Variants in ZNF607 observed in about 807,000 individuals in gnomAD.
ZNF607 encodes zinc finger protein 607.
ZNF607 carries 5 observed loss-of-function variants against 12.8 expected under a neutral mutation model. That is an observed-to-expected ratio of 0.39 (90% CI 0.20 to 0.82). The LOEUF (loss-of-function observed/expected upper bound fraction) is 0.82. Among genes scored for constraint, ZNF607 ranks in the 40% least tolerant of loss-of-function variants. The pLI is 0.39. For missense variants in ZNF607, 851 were observed against 859.2 expected, an observed-to-expected ratio of 0.99 and a Z score of 0.12; for synonymous variants, 287 against 276.2, an observed-to-expected ratio of 1.04 and a Z score of -0.39.
At position 37,697,689 on chromosome 19, in the gene ZNF607, G is replaced by A. The variant is rs2044988437; in HGVS notation, c.*351C>T. ...GGTTTAACAATAAATGATTGTTGCT[G>A]GAAGATGTTTACATGCAAGTATAAA... On this transcript the variant is annotated 3_prime_UTR_variant, in exon 5 of 5. Coordinates refer to ENST00000355202, the MANE Select transcript of ZNF607 (RefSeq NM_032689.5). 3.3e-6 allele frequency: 1 copy of A among 304,012 alleles called. No individual in the cohort carries two copies. The highest frequency in any genetic ancestry group is 6.1e-6 in the Non-Finnish European group (1 of 164,652). The allele number at this position is 304,012 out of a possible 1,614,324, so 18.8% of individuals were successfully genotyped here. A position where few individuals can be genotyped will look rare whatever the true frequency, so the allele number is the denominator to read the frequency against.
chr19:37,711,839 C>G (rs1445641549), intron 1 of ZNF607, 147 bp from the exon 2 acceptor site: 6 of 535,704 alleles, frequency 1.1e-5, no homozygotes, highest in Non-Finnish European at 2.0e-5. Flanking sequence ...CTGGATAAAC[C>G]CATTTCCTCC....
rs758896182 is a variant in ZNF607 at position 37,699,675 on chromosome 19, G to A, written c.456C>T (p.Ser152=). 5 of 1,613,914 alleles carry A rather than the reference G, an allele frequency of 3.1e-6. No individual in the cohort carries two copies. In the East Asian group the frequency reaches 8.9e-5, roughly 29 times the overall value. The change falls in exon 5 of 5, where the codon AGC becomes AGT. Residue 152 remains serine, a synonymous_variant. Transcript: ENST00000355202. Reference sequence around the variant, plus strand: ...GATGCTTTCTAAGGTCTGTAAGATGGCTAAATGCCTTCCTAAACTTTTCAC... The same window carrying A: ...GATGCTTTCTAAGGTCTGTAAGATGACTAAATGCCTTCCTAAACTTTTCAC... ...DQCEKFRKAF[S]HLTDLRKHQK...
chr19:37,709,590 T>C (rs1568406478), intron 3 of ZNF607, 106 bp downstream of exon 3: 1 of 1,295,844 alleles, frequency 7.7e-7, no homozygotes, highest in East Asian at 2.5e-5. Context: ...GAAAATAAAT[T>C]TAGTTTCTTA....
chr19:37,702,903 A>G (rs905221527), intron 4 of ZNF607, among the ~76,000 whole-genome samples: 16 of 152,118 alleles, frequency 1.1e-4, no homozygotes, highest in Non-Finnish European at 2.9e-5. Context: ...AAATTACTCA[A>G]GGAGATACAA....
At position 37,696,803 on chromosome 19, in the gene ZNF607, T is replaced by A; in HGVS notation, c.*1237A>T. On this transcript the variant is annotated 3_prime_UTR_variant, in exon 5 of 5. Transcript: ENST00000355202. ...GCCTTGGAGTCACCCTCAGCAGAGA[T>A]GATGGCCGCCTTTTCCACCACAAAT... 7.6e-7 allele frequency: 1 copy of A among 1,321,502 alleles called. No homozygotes were observed. Among genetic ancestry groups the A allele is most frequent in the South Asian group, 1.2e-5 (1 of 82,320 alleles). The allele number at this position is 1,321,502 out of a possible 1,614,324, so 81.9% of individuals were successfully genotyped here.
intron 1 of ZNF607, among the ~76,000 whole-genome samples, chr19:37,717,191 A>T (rs3095724): frequency 0.75 from 113,683 of 152,072 alleles, 43,135 homozygotes; most frequent in Middle Eastern, 0.83. Flanking sequence ...TTAATTTTAA[A>T]TTTTATTTTT....
rs978057659 is a variant in ZNF607 at position 37,705,685 on chromosome 19, CAAAAAAA to C, written c.235+2222_235+2228del. ...GGGCAAGAAAGCAAGACTCTCTCTC[CAAAAAAA>C]AAAAAAAAAAAAAACTTAGATGCAT... is the stretch of plus-strand genomic sequence containing the variant. On this transcript the variant is annotated intron_variant, in intron 4 of 4. Coordinates refer to ENST00000355202, the MANE Select transcript of ZNF607 (RefSeq NM_032689.5). Among the ~76,000 whole-genome samples, 59 of 52,666 alleles carry C rather than the reference CAAAAAAA, an allele frequency of 1.1e-3. 1 individual carries two copies. In the South Asian group the frequency reaches 0.033, roughly 29 times the overall value. The allele number at this position is 52,666 out of a possible 152,430, so 34.6% of individuals were successfully genotyped here.
intron 1 of ZNF607, among the ~76,000 whole-genome samples, chr19:37,712,399 T>C (rs2045140659): frequency 6.6e-6 from 1 of 152,152 alleles, no homozygotes; most frequent in Admixed American, 6.5e-5. Flanking sequence ...TAGTCCCAGC[T>C]ACCCAGGAGG....
In ZNF607 at chr19:37,697,856, A is replaced by C. The variant is rs1471991231; in HGVS notation, c.*184T>G. 1.8e-6 allele frequency: 1 copy of C among 542,846 alleles called. No homozygotes were observed. Among genetic ancestry groups the C allele is most frequent in the Non-Finnish European group, 3.2e-6 (1 of 315,680 alleles). The allele number at this position is 542,846 out of a possible 1,614,324, so 33.6% of individuals were successfully genotyped here. ...CTGAATCTGAGTTAACACAGGTCAT[A>C]CCAAAGAAACTGCATATATGATTTA... On this transcript the variant is annotated 3_prime_UTR_variant, in exon 5 of 5. Coordinates refer to ENST00000355202, the MANE Select transcript of ZNF607 (RefSeq NM_032689.5).
chr19:37,698,104 T>A lies in ZNF607; in HGVS notation c.2027A>T (p.Asn676Ile). The A allele has an allele frequency of 6.2e-7, 1 of 1,613,560 alleles. No homozygotes were observed. Among genetic ancestry groups the A allele is most frequent in the Non-Finnish European group, 8.5e-7 (1 of 1,179,914 alleles). The change falls in exon 5 of 5, where the codon AAC becomes ATC. Residue 676 changes from asparagine (N) to isoleucine (I), a missense_variant. Physicochemically the swap from Asn to Ile is moderately radical, Grantham distance 149 (BLOSUM62 -3). Transcript: ENST00000355202. ...VHTGEKPFKCNKCRRSFRLRS... is the reference protein window; with the variant it reads ...VHTGEKPFKCIKCRRSFRLRS... ...AAGCCTAAAGGACCTTCTGCATTTG[T>A]TACATTTAAAGGGTTTCTCACCAGT...
In ZNF607 at chr19:37,698,289, A is replaced by C. The variant is rs868351716; in HGVS notation, c.1842T>G (p.Asp614Glu). 6.2e-7 allele frequency: 1 copy of C among 1,613,836 alleles called. No individual in the cohort carries two copies. The change falls in exon 5 of 5, where the codon GAT becomes GAG. Residue 614 changes from aspartate to glutamate, a missense_variant. Coordinates refer to ENST00000355202, the MANE Select transcript of ZNF607 (RefSeq NM_032689.5). ...LIIHERIHTS[D>E]KPYECKRCGK... ...CACATCTTTTACATTCATAGGGTTT[A>C]TCACTGGTATGAATTCTCTCATGAA...
chr19:37,714,611 C>G (rs1279962119), intron 1 of ZNF607, among the ~76,000 whole-genome samples: 1 of 150,892 alleles, frequency 6.6e-6, no homozygotes, highest in Non-Finnish European at 1.5e-5. Context: ...TACGTGGTAT[C>G]CTGCTGAAAT....
chr19:37,701,557 C>A (rs2045038866), intron 4 of ZNF607, among the ~76,000 whole-genome samples: 1 of 152,200 alleles, frequency 6.6e-6, no homozygotes, highest in Non-Finnish European at 1.5e-5. Context: ...GGGACACGTG[C>A]GTCAGGGATA....
chr19:37,715,601 T>A (rs10853710), intron 1 of ZNF607, among the ~76,000 whole-genome samples: 3 of 147,822 alleles, frequency 2.0e-5, no homozygotes, highest in Admixed American at 6.7e-5. Context: ...TGAAACTCCA[T>A]CTAAAAAAAA....
chr19:37,716,167 T>C (rs558588106), intron 1 of ZNF607, among the ~76,000 whole-genome samples: 6 of 152,268 alleles, frequency 3.9e-5, no homozygotes, highest in African/African-American at 9.6e-5. Flanking sequence ...GTAGCCTCCA[T>C]TGTACAAAAT....
intron 4 of ZNF607, among the ~76,000 whole-genome samples, chr19:37,703,331 T>C (rs1333223594): frequency 6.7e-6 from 1 of 148,454 alleles, no homozygotes; most frequent in Non-Finnish European, 1.5e-5. Context: ...AGAAACTAAA[T>C]AGAGAAAAAA....
At chr19:37,707,414 G>A (rs1013222409) in intron 4 of ZNF607, among the ~76,000 whole-genome samples, 1 of 152,070 alleles carries the variant, frequency 6.6e-6, no homozygotes, top group East Asian at 1.9e-4. Context: ...CTGCACTCCT[G>A]CTCTGGGTGA....
At chr19:37,707,864 G>A (rs201904627) in intron 4 of ZNF607, 50 bp downstream of exon 4, 30 of 1,392,418 alleles carry the variant, frequency 2.2e-5, no homozygotes, top group Middle Eastern at 1.8e-4. Context: ...CCACTTCCAC[G>A]AGGGCTATTT....
intron 1 of ZNF607, among the ~76,000 whole-genome samples, chr19:37,712,658 T>C (rs990462299): frequency 2.0e-5 from 3 of 152,216 alleles, no homozygotes; most frequent in Non-Finnish European, 4.4e-5. Context: ...GTTTGATAAA[T>C]AGCATTCCCT....
Sources: allele counts gnomAD v4.1 joint callset (sites outside exome capture counted in the v4.1 genomes callset), GRCh38; gene constraint gnomAD v4.1.1; transcripts MANE v1.5; gene names NCBI Gene and HGNC (gene_info 2026-07-23, HGNC 2026-07-21).